PHIP: variants seen among roughly 807,000 people sequenced by gnomAD.
The protein encoded by PHIP is PHIP subunit of CUL4-Ring ligase complex.
A neutral mutation model predicts 236.8 loss-of-function variants in PHIP; 54 were observed. The ratio of observed to expected loss-of-function variants is 0.23; its 90% CI spans 0.18 to 0.29. The LOEUF is 0.29. PHIP is among the 10% of genes least tolerant of loss of function. The pLI is 1.00. For synonymous variants in PHIP, 756 were observed against 718.9 expected (o/e 1.05, Z -0.83); for missense variants, 1,370 against 2,190.8 (o/e 0.63, Z 7.48).
At chr6:79,042,611 T>C (rs535196611) in intron 7 of PHIP, among the ~76,000 whole-genome samples, 64 of 152,194 alleles carry the variant, frequency 4.2e-4, no homozygotes, top group African/African-American at 1.5e-3. Context: ...TTATTCATGA[T>C]GTACAACCAT....
intron 29 of PHIP, among the ~76,000 whole-genome samples, chr6:78,964,576 T>G (rs1294709967): frequency 6.6e-6 from 1 of 152,174 alleles, no homozygotes; most frequent in Non-Finnish European, 1.5e-5. Flanking sequence ...CACTGCCACC[T>G]CCGCCTCCCA....
Position 79,021,167 on chromosome 6 carries a change from G to C in PHIP, c.924-2008C>G, listed in dbSNP as rs199726742. Among the ~76,000 whole-genome samples the C allele has an allele frequency of 4.6e-5, 7 of 152,110 alleles. No homozygotes were observed. In the East Asian group the frequency reaches 9.7e-4, roughly 21 times the overall value. On this transcript the variant is annotated intron_variant, in intron 9 of 39. Transcript: ENST00000275034. ...CACTACAAGTTACTTTTTTATTGGA[G>C]ACAGAGGCTCACTCTGTCACCCAGG...
chr6:79,037,455 G>A (rs746691763), intron 7 of PHIP, among the ~76,000 whole-genome samples: 2 of 152,110 alleles, frequency 1.3e-5, no homozygotes, highest in Admixed American at 6.5e-5. Context: ...TATTTCCAAG[G>A]TTTTTCCCCA....
chr6:79,047,998 T>C (rs1772586789), intron 6 of PHIP, among the ~76,000 whole-genome samples: 1 of 150,976 alleles, frequency 6.6e-6, no homozygotes, highest in East Asian at 1.9e-4. Flanking sequence ...TATATATACA[T>C]ATGTATTTTT....
chr6:79,028,575 G>A (rs2127750119), intron 7 of PHIP, among the ~76,000 whole-genome samples: 1 of 152,188 alleles, frequency 6.6e-6, no homozygotes, highest in South Asian at 2.1e-4. Context: ...GGGATTTGCT[G>A]AGTAAAAAAA....
chr6:78,982,971 A>G lies in PHIP; in HGVS notation c.2684T>C (p.Ile895Thr), dbSNP rs1295833955. The G allele has an allele frequency of 6.2e-7, 1 of 1,605,502 alleles. No homozygotes were observed. Among genetic ancestry groups the G allele is most frequent in the African/African-American group, 1.3e-5 (1 of 74,234 alleles). The part of the protein sequence containing the change: ...EESEKQKQKQ[I>T]KKEKKKVNEE... ...ATTTACTTTTTTCTTTTCCTTTTTA[A>G]TCTGTTTTTGCTTCTGTTTTTCAGA... The change falls in exon 23 of 40, where the codon ATT becomes ACT. Residue 895 changes from isoleucine (I) to threonine (T), a missense_variant. Ile to Thr is a moderately conservative substitution (Grantham distance 89). Around this residue, in one of 14 missense-constraint regions of PHIP, gnomAD observed 76 missense variants for 76.4 expected, o/e 0.99. Coordinates refer to ENST00000275034, the MANE Select transcript of PHIP (RefSeq NM_017934.7).
At chr6:78,945,749 G>A (rs1041601629) in intron 38 of PHIP, 5 of 599,342 alleles carry the variant, frequency 8.3e-6, no homozygotes, top group African/African-American at 7.5e-5. Flanking sequence ...GCTAGCTAGT[G>A]TGGGTACTGT....
At chr6:78,963,550 A>C (rs974171749) in intron 29 of PHIP, among the ~76,000 whole-genome samples, 3 of 152,188 alleles carry the variant, frequency 2.0e-5, no homozygotes, top group African/African-American at 7.2e-5. Context: ...CAAATTTCAA[A>C]GTTTTCTGAA....
chr6:79,037,128 T>C (rs1040634975), intron 7 of PHIP, among the ~76,000 whole-genome samples: 2 of 152,096 alleles, frequency 1.3e-5, no homozygotes, highest in Non-Finnish European at 2.9e-5. Flanking sequence ...GTCAACAATG[T>C]TCTCTTTTCC....
intron 24 of PHIP, among the ~76,000 whole-genome samples, chr6:78,977,510 A>C (rs975827887): frequency 6.6e-6 from 1 of 152,094 alleles, no homozygotes; most frequent in Non-Finnish European, 1.5e-5. Context: ...ATGTACCCTA[A>C]AACTTAAATT....
At chr6:78,986,351 C>T (rs1768868206) in intron 21 of PHIP, among the ~76,000 whole-genome samples, 1 of 152,184 alleles carries the variant, frequency 6.6e-6, no homozygotes, top group Admixed American at 6.5e-5. Flanking sequence ...TGTTGCATGT[C>T]TTCCTCACTT....
intron 6 of PHIP, among the ~76,000 whole-genome samples, chr6:79,055,120 G>C (rs144936851): frequency 6.6e-6 from 1 of 151,968 alleles, no homozygotes; most frequent in Admixed American, 6.6e-5. Context: ...CCACAGACAA[G>C]TAAAATAAAA....
chr6:78,994,336 G>C lies in PHIP; in HGVS notation c.2201+3078C>G, dbSNP rs976746066. Among the ~76,000 whole-genome samples the C allele has an allele frequency of 1.3e-5, 2 of 152,196 alleles. 1 individual carries two copies. The highest frequency in any genetic ancestry group is 4.1e-4 in the South Asian group (2 of 4,836). On this transcript the variant is annotated intron_variant, in intron 19 of 39. Coordinates refer to ENST00000275034, the MANE Select transcript of PHIP (RefSeq NM_017934.7). ...CTCATGCCTGTAATCTCAGCACTTT[G>C]GGAGGCTGAAGTGGGCAGATCACAA...
At chr6:78,974,964 T>C (rs963762650) in intron 24 of PHIP, among the ~76,000 whole-genome samples, 4 of 151,620 alleles carry the variant, frequency 2.6e-5, no homozygotes, top group Non-Finnish European at 4.4e-5. Flanking sequence ...ACTGGTACCA[T>C]TCCTTCTGAA....
At chr6:79,033,082 T>C (rs937360152) in intron 7 of PHIP, among the ~76,000 whole-genome samples, 2 of 151,954 alleles carry the variant, frequency 1.3e-5, no homozygotes, top group Non-Finnish European at 1.5e-5. Flanking sequence ...TTCTGAGCAG[T>C]AGGTATCAAC....
chr6:78,934,990 A>C lies in PHIP; in HGVS notation c.*5703T>G, dbSNP rs999529550. Among the ~76,000 whole-genome samples the C allele has an allele frequency of 6.6e-6, 1 of 152,146 alleles. No individual in the cohort carries two copies. The highest frequency in any genetic ancestry group is 6.5e-5 in the Admixed American group (1 of 15,272). On this transcript the variant is annotated 3_prime_UTR_variant, in exon 40 of 40. Transcript: ENST00000275034. ...TTACCACACATTGATTACAAACACG[A>C]AGTACTATATTGCAAGGAACAGAGG...
intron 15 of PHIP, among the ~76,000 whole-genome samples, chr6:79,006,736 G>A (rs1770311929): frequency 6.6e-6 from 1 of 151,960 alleles, no homozygotes; most frequent in Non-Finnish European, 1.5e-5. Context: ...AATAAGTAAT[G>A]AGAAATTATC....
intron 7 of PHIP, among the ~76,000 whole-genome samples, chr6:79,039,981 T>G (rs1295719053): frequency 2.0e-5 from 3 of 152,170 alleles, no homozygotes; most frequent in African/African-American, 7.2e-5. Context: ...ATACAGAATT[T>G]CATTATCAAT....
At chr6:78,980,871 T>C (rs112905320) in intron 23 of PHIP, among the ~76,000 whole-genome samples, 63 of 152,160 alleles carry the variant, frequency 4.1e-4, no homozygotes, top group African/African-American at 1.4e-3. Context: ...ATATGGACTA[T>C]TAATTGCTAG....
Sources: allele counts gnomAD v4.1 joint callset (sites outside exome capture counted in the v4.1 genomes callset), GRCh38; gene constraint gnomAD v4.1.1; regional missense constraint gnomAD v4.1.1; transcripts MANE v1.5; gene names NCBI Gene and HGNC (gene_info 2026-07-23, HGNC 2026-07-21).